Variants in GREB1L observed in about 807,000 individuals in gnomAD.
The protein encoded by GREB1L is GREB1 like retinoic acid receptor coactivator.
Under a neutral mutation model 200.8 loss-of-function variants are expected in GREB1L, and 17 were observed. The observed-to-expected ratio is 0.08, with a 90% CI of 0.06 to 0.13. The LOEUF is 0.13. GREB1L is among the 10% of genes least tolerant of loss of function. GREB1L has a pLI of 1.00. For synonymous variants in GREB1L, 789 were observed against 893.0 expected (o/e 0.88, Z 2.08); for missense variants, 1,657 against 2,367.7 (o/e 0.70, Z 6.23).
intron 1 of GREB1L, among the ~76,000 whole-genome samples, chr18:21,297,499 G>A (rs1219766193): frequency 6.6e-6 from 1 of 152,186 alleles, no homozygotes; most frequent in African/African-American, 2.4e-5. Flanking sequence ...TGTGATCAAA[G>A]GATGTTATGT....
intron 4 of GREB1L, among the ~76,000 whole-genome samples, chr18:21,395,123 G>GA (rs1193761016): frequency 5.4e-4 from 68 of 125,334 alleles, no homozygotes; most frequent in Non-Finnish European, 8.8e-4. Flanking sequence ...AAAAAAAAAA[G>GA]AAAAAAAAAA....
At chr18:21,423,744 C>T (rs1472493132) in intron 7 of GREB1L, among the ~76,000 whole-genome samples, 1 of 152,058 alleles carries the variant, frequency 6.6e-6, no homozygotes, top group Non-Finnish European at 1.5e-5. Flanking sequence ...CGCTTTTGGT[C>T]CTACCTACAT....
At chr18:21,363,273 T>TCCCCCCCCCCC (rs2039606295) in intron 1 of GREB1L, among the ~76,000 whole-genome samples, 7 of 4,774 alleles carry the variant, frequency 1.5e-3, no homozygotes, top group Non-Finnish European at 2.4e-3. Context: ...CTGCCCCCAC[T>TCCCCCCCCCCC]CCGCCTCCCC....
intron 1 of GREB1L, among the ~76,000 whole-genome samples, chr18:21,340,687 C>T (rs1461210080): frequency 4.6e-5 from 7 of 151,724 alleles, no homozygotes; most frequent in Non-Finnish European, 7.4e-5. Context: ...GGATTACAGG[C>T]GCACGCCACC....
chr18:21,324,977 G>A (rs1731944978), intron 1 of GREB1L, among the ~76,000 whole-genome samples: 1 of 152,142 alleles, frequency 6.6e-6, no homozygotes, highest in South Asian at 2.1e-4. Flanking sequence ...GTAGATTCTG[G>A]TAATTTAATA....
chr18:21,468,043 A>G (rs1472726026), intron 15 of GREB1L, among the ~76,000 whole-genome samples: 3 of 151,454 alleles, frequency 2.0e-5, no homozygotes, highest in African/African-American at 7.3e-5. Flanking sequence ...AAAAAAAAAG[A>G]TACGAAATGA....
chr18:21,386,113 C>T (rs2040527009), intron 4 of GREB1L, among the ~76,000 whole-genome samples: 1 of 152,112 alleles, frequency 6.6e-6, no homozygotes, highest in African/African-American at 2.4e-5. Context: ...CTGTCTCACT[C>T]AAGTTCAAGA....
At chr18:21,374,438 A>C (rs1266001877) in intron 2 of GREB1L, among the ~76,000 whole-genome samples, 1 of 152,218 alleles carries the variant, frequency 6.6e-6, no homozygotes, top group Non-Finnish European at 1.5e-5. Context: ...GCATTAGGCC[A>C]CTACAATCAG....
At chr18:21,363,279 T>TCCCCCCCCCCCCCCC (rs71369899) in intron 1 of GREB1L, among the ~76,000 whole-genome samples, 1 of 5,004 alleles carries the variant, frequency 2.0e-4, no homozygotes, top group East Asian at 0.018. Flanking sequence ...CCACTCCGCC[T>TCCCCCCCCCCCCCCC]CCCCCCCGCC....
At chr18:21,266,793 A>G (rs2037975741) in intron 1 of GREB1L, among the ~76,000 whole-genome samples, 2 of 152,194 alleles carry the variant, frequency 1.3e-5, no homozygotes, top group African/African-American at 4.8e-5. Context: ...TGACCCTGGC[A>G]AGGATGTTGG....
chr18:21,417,439 G>A (rs1221032565), intron 7 of GREB1L, among the ~76,000 whole-genome samples: 2 of 151,994 alleles, frequency 1.3e-5, no homozygotes, highest in Admixed American at 6.6e-5. Flanking sequence ...GCTTTAACCC[G>A]GGAGACAGAG....
At position 21,256,566 on chromosome 18, in the gene GREB1L, A is replaced by G. The variant is rs2037801648; in HGVS notation, c.-120+14173A>G. 2.0e-5 allele frequency among the ~76,000 whole-genome samples: 3 copies of G among 152,200 alleles called. No homozygotes were observed. In the South Asian group the frequency reaches 6.2e-4, roughly 31 times the overall value. On this transcript the variant is annotated intron_variant, in intron 1 of 32. Coordinates refer to ENST00000424526, the MANE Select transcript of GREB1L (RefSeq NM_001142966.3). ...TCATTACCTTTTGGTACAAAAATCAATCTAATCTATTAAGAATAAAATCTC... is the reference window on the plus strand; with the variant it reads ...TCATTACCTTTTGGTACAAAAATCAGTCTAATCTATTAAGAATAAAATCTC...
rs552336064 is a variant in GREB1L, at chr18:21,441,388, T to C, written c.1070-12T>C. 1.1e-4 allele frequency: 170 copies of C among 1,515,798 alleles called. No individual in the cohort carries two copies. The highest frequency in any genetic ancestry group is 1.4e-4 in the Non-Finnish European group (162 of 1,135,082). 93.9% of individuals were successfully genotyped at this position (1,515,798 alleles called of 1,614,324 possible). A position where few individuals can be genotyped will look rare whatever the true frequency, so the allele number is the denominator to read the frequency against. ...TCACGCCATCTTTCTTGTCAAACTT[T>C]TTTTTTTCCAGAGCCCCTTTTATCT... On this transcript the variant is annotated splice_polypyrimidine_tract_variant and intron_variant, in intron 9 of 32. Transcript: ENST00000424526.
At chr18:21,413,357 C>T (rs1219861585) in intron 7 of GREB1L, among the ~76,000 whole-genome samples, 1 of 152,164 alleles carries the variant, frequency 6.6e-6, no homozygotes, top group Non-Finnish European at 1.5e-5. Context: ...CCGTGTCTGT[C>T]TCCTTCCGCT....
intron 15 of GREB1L, among the ~76,000 whole-genome samples, chr18:21,472,485 C>A (rs2035521237): frequency 6.6e-6 from 1 of 152,174 alleles, no homozygotes; most frequent in African/African-American, 2.4e-5. Context: ...TCACTGAGGT[C>A]TGCCAGTGCT....
chr18:21,513,865 G>C lies in GREB1L; in HGVS notation c.4780G>C (p.Glu1594Gln), dbSNP rs2146077893. 6.4e-7 allele frequency: 1 copy of C among 1,551,674 alleles called. No individual in the cohort carries two copies. Among genetic ancestry groups the C allele is most frequent in the South Asian group, 1.2e-5 (1 of 84,054 alleles). ...CAAGGAGCTATCATATCACAACCTA[G>C]AATTGGAGAGAAACCGCCTGGAGGA... The part of the protein sequence containing the change: ...LIKELSYHNL[E>Q]LERNRLEELG... The change falls in exon 28 of 33, where the codon GAA (glutamate) becomes CAA (glutamine). Residue 1594 changes from glutamate (E) to glutamine (Q), a missense_variant. Glu to Gln is a conservative substitution (Grantham distance 29). Around this residue, in one of 9 missense-constraint regions of GREB1L, gnomAD observed 151 missense variants for 309.6 expected, o/e 0.49. Coordinates refer to ENST00000424526, the MANE Select transcript of GREB1L (RefSeq NM_001142966.3).
intron 7 of GREB1L, among the ~76,000 whole-genome samples, chr18:21,416,065 G>A (rs72881396): frequency 0.33 from 49,768 of 151,950 alleles, 11,178 homozygotes; most frequent in African/African-American, 0.61. Context: ...AAGACATCAA[G>A]ACAATTATTA....
chr18:21,394,347 T>G (rs918545496), intron 4 of GREB1L, among the ~76,000 whole-genome samples: 1 of 152,214 alleles, frequency 6.6e-6, no homozygotes, highest in Non-Finnish European at 1.5e-5. Context: ...CCCAGAAGAT[T>G]TGCAGCAGAA....
At chr18:21,340,745 G>A (rs1371050075) in intron 1 of GREB1L, among the ~76,000 whole-genome samples, 12 of 151,800 alleles carry the variant, frequency 7.9e-5, no homozygotes, top group Non-Finnish European at 1.2e-4. Context: ...GGGTTTCACC[G>A]TGTTGGCCCA....
Sources: gnomAD v4.1 joint callset for allele counts (sites outside exome capture counted in the v4.1 genomes callset) on GRCh38, gnomAD v4.1.1 for gene constraint, gnomAD v4.1.1 regional missense constraint, MANE v1.5 for transcripts, NCBI Gene and HGNC (gene_info 2026-07-23, HGNC 2026-07-21) for gene names.